SLC26A9: variants seen among roughly 807,000 people sequenced by gnomAD.
SLC26A9 encodes the protein solute carrier family 26 member 9, also known as anion transporter/exchanger protein 9.
A neutral mutation model predicts 87.1 loss-of-function variants in SLC26A9; 46 were observed. The ratio of observed to expected loss-of-function variants is 0.53; its 90% CI spans 0.42 to 0.67. The LOEUF is 0.67. Ranked by LOEUF, SLC26A9 falls within the 30% of genes least tolerant of loss-of-function variation. The probability of loss-of-function intolerance (pLI) is 0.00; values close to 1 mark genes in which losing one functional copy is unlikely to be tolerated. For synonymous variants in SLC26A9, 437 were observed against 409.1 expected, an observed-to-expected ratio of 1.07 and a Z score of -0.82; for missense variants, 927 against 1,018.3, an observed-to-expected ratio of 0.91 and a Z score of 1.22.
At chr1:205,930,486 C>T (rs916157821) in intron 5 of SLC26A9, among the ~76,000 whole-genome samples, 4 of 152,184 alleles carry the variant, frequency 2.6e-5, no homozygotes, top group Non-Finnish European at 4.4e-5. Flanking sequence ...ACCTGGTCTT[C>T]GCCTGCATTA....
intron 2 of SLC26A9, among the ~76,000 whole-genome samples, chr1:205,934,026 A>G (rs1659413324): frequency 6.6e-6 from 1 of 152,036 alleles, no homozygotes; most frequent in Admixed American, 6.6e-5. Context: ...CCATTTGGTG[A>G]CTCACTGGCC....
Position 205,920,267 on chromosome 1 carries a change from G to T in SLC26A9, c.2056-37C>A, listed in dbSNP as rs1262357707. The T allele has an allele frequency of 7.4e-6, 12 of 1,612,994 alleles. No homozygotes were observed. In the South Asian group the frequency reaches 1.2e-4, roughly 16 times the overall value. On this transcript the variant is annotated intron_variant, in intron 17 of 20. Transcript: ENST00000367135. ...GTTGGGGTAGGGAGGCAAAAGGAAAGGAATGTTCTGAGTGGGTCTCAAAAG... is the reference window on the plus strand; with the variant it reads ...GTTGGGGTAGGGAGGCAAAAGGAAATGAATGTTCTGAGTGGGTCTCAAAAG...
rs80313886 is a variant in SLC26A9 at position 205,927,787 on chromosome 1, C to T, written c.1101+115G>A. ...TAGGGTCAGAGGACCCCCTATCCCC[C>T]ACACTCGAGGCAGCCTGCCTCACCT... On this transcript the variant is annotated intron_variant, in intron 9 of 20. Coordinates refer to ENST00000367135, the MANE Select transcript of SLC26A9 (RefSeq NM_052934.4). The T allele has an allele frequency of 1.7e-3, 2,568 of 1,526,244 alleles. 13 individuals carry two copies. The highest frequency in any genetic ancestry group is 0.014 in the Middle Eastern group (62 of 4,414). The allele number at this position is 1,526,244 out of a possible 1,614,324, so 94.5% of individuals were successfully genotyped here.
rs1658535751 is a variant in SLC26A9, at chr1:205,915,252, G to A, written c.*105C>T. The A allele has an allele frequency of 3.8e-6, 6 of 1,599,702 alleles. No individual in the cohort carries two copies. Among genetic ancestry groups the A allele is most frequent in the Non-Finnish European group, 5.1e-6 (6 of 1,171,866 alleles). On this transcript the variant is annotated 3_prime_UTR_variant, in exon 21 of 21. Transcript: ENST00000367135. ...GGAGAGAGGAACCCAAGCTCTGGGG[G>A]ATGCACTTTCCTCCGCCCGACACCC...
At chr1:205,934,719 A>G (rs1375469767) in intron 2 of SLC26A9, among the ~76,000 whole-genome samples, 1 of 152,208 alleles carries the variant, frequency 6.6e-6, no homozygotes, top group African/African-American at 2.4e-5. Flanking sequence ...ACAATAGCAG[A>G]TCTTCTCATC....
At chr1:205,926,768 G>T in intron 11 of SLC26A9, 138 bp from the exon 12 acceptor site, 1 of 718,006 alleles carries the variant, frequency 1.4e-6, no homozygotes. Flanking sequence ...CCAAATCTCT[G>T]CATTCGACCT....
At chr1:205,924,757 G>A in intron 12 of SLC26A9, 1 of 404,328 alleles carries the variant, frequency 2.5e-6, no homozygotes, top group South Asian at 3.0e-5. Flanking sequence ...ATCTATAAGA[G>A]CATGCATCTT....
At chr1:205,924,048 C>T (rs1389458325) in intron 13 of SLC26A9, among the ~76,000 whole-genome samples, 2 of 152,136 alleles carry the variant, frequency 1.3e-5, no homozygotes, top group South Asian at 2.1e-4. Context: ...GGTGGGGTCC[C>T]ATTTGGTTTG....
At position 205,931,888 on chromosome 1, in the gene SLC26A9, G is replaced by A. The variant is rs774089742; in HGVS notation, c.524C>T (p.Thr175Met). 1.9e-5 allele frequency: 31 copies of A among 1,613,764 alleles called. No individual in the cohort carries two copies. The highest frequency in any genetic ancestry group is 6.7e-5 in the East Asian group (3 of 44,884). Reference sequence around the variant, plus strand: ...GATGATGGCGGTGAGGCAGGCTAGCGTAGCTGACACGTGCAGCCTCTCAGC... The same window carrying A: ...GATGATGGCGGTGAGGCAGGCTAGCATAGCTGACACGTGCAGCCTCTCAGC... Reference protein sequence around the residue: ...MEAERLHVSATLACLTAIIQM... With the variant: ...MEAERLHVSAMLACLTAIIQM... The change falls in exon 5 of 21, where the codon ACG becomes ATG. Residue 175 changes from threonine (T) to methionine (M), a missense_variant. By Grantham distance (81) the Thr-to-Met change is moderately conservative (BLOSUM62 -1). Transcript: ENST00000367135.
At position 205,916,615 on chromosome 1, in the gene SLC26A9, G is replaced by T. The variant is rs183525948; in HGVS notation, c.2328+668C>A. ...AACAAGTGACTGCCCTGCCAATCTT[G>T]TGTGGTGGATGGGACAGGTATTACC... On this transcript the variant is annotated intron_variant, in intron 20 of 20. Coordinates refer to ENST00000367135, the MANE Select transcript of SLC26A9 (RefSeq NM_052934.4). Among the ~76,000 whole-genome samples, 103 of 152,338 alleles carry T rather than the reference G, an allele frequency of 6.8e-4. 1 individual carries two copies. The highest frequency in any genetic ancestry group is 3.6e-3 in the Admixed American group (55 of 15,306).
chr1:205,927,087 G>A (rs1489545869), intron 11 of SLC26A9, 124 bp downstream of exon 11: 4 of 954,618 alleles, frequency 4.2e-6, no homozygotes, highest in Non-Finnish European at 6.6e-6. Flanking sequence ...CTACCTCACA[G>A]TTTGTGGTTG....
intron 11 of SLC26A9, 33 bp downstream of exon 11, chr1:205,927,178 T>C (rs373694224): frequency 2.2e-5 from 35 of 1,610,848 alleles, no homozygotes; most frequent in Non-Finnish European, 2.7e-5. Flanking sequence ...TTGGAGTCTT[T>C]CGTTGACTTC....
In SLC26A9 at chr1:205,915,621, G is replaced by A. The variant is rs1254808297; in HGVS notation, c.2329-217C>T. On this transcript the variant is annotated intron_variant, in intron 20 of 20. Coordinates refer to ENST00000367135, the MANE Select transcript of SLC26A9 (RefSeq NM_052934.4). The stretch of plus-strand genomic sequence containing the variant: ...AACCAGTCCAGCGTGGCAGGAGCAG[G>A]TGCTGAAATCTACATGTGAATCACC... Among the ~76,000 whole-genome samples, 4 of 151,998 alleles carry A rather than the reference G, an allele frequency of 2.6e-5. No homozygotes were observed. In the East Asian group the frequency reaches 5.8e-4, roughly 22 times the overall value.
intron 17 of SLC26A9, among the ~76,000 whole-genome samples, chr1:205,921,118 G>A (rs529954908): frequency 6.6e-6 from 1 of 152,362 alleles, no homozygotes; most frequent in East Asian, 1.9e-4. Context: ...ATTCATTCAA[G>A]GTGTCCCGTG....
rs778390308 is a variant in SLC26A9 at position 205,914,860 on chromosome 1, A to G, written c.*497T>C. On this transcript the variant is annotated 3_prime_UTR_variant, in exon 21 of 21. Coordinates refer to ENST00000367135, the MANE Select transcript of SLC26A9 (RefSeq NM_052934.4). Reference sequence around the variant, plus strand: ...AGAGACAGAGTTGAGGCAGCTGGGGAAGGCAAGCCAGAGTCCTAACCAAGT... The same window carrying G: ...AGAGACAGAGTTGAGGCAGCTGGGGGAGGCAAGCCAGAGTCCTAACCAAGT... The G allele has an allele frequency of 1.9e-6, 3 of 1,578,072 alleles. No individual in the cohort carries two copies. The highest frequency in any genetic ancestry group is 1.7e-5 in the Admixed American group (1 of 58,160).
At chr1:205,936,925 G>T (rs1409066370) in intron 1 of SLC26A9, among the ~76,000 whole-genome samples, 2 of 152,184 alleles carry the variant, frequency 1.3e-5, no homozygotes, top group East Asian at 3.8e-4. Context: ...GGGTCCAGGA[G>T]CCTGGGTTAA....
chr1:205,934,402 G>A (rs1236855051), intron 2 of SLC26A9, among the ~76,000 whole-genome samples: 4 of 152,148 alleles, frequency 2.6e-5, no homozygotes, highest in East Asian at 1.9e-4. Context: ...AGAGAAAGCC[G>A]GACTTATGAA....
chr1:205,932,176 A>C, intron 4 of SLC26A9, 141 bp from the exon 5 acceptor site: 1 of 948,008 alleles, frequency 1.1e-6, no homozygotes, highest in South Asian at 1.7e-5. Flanking sequence ...CAATAATAAC[A>C]ACCACTCACT....
intron 1 of SLC26A9, among the ~76,000 whole-genome samples, chr1:205,940,006 T>C (rs1659670845): frequency 6.6e-6 from 1 of 151,964 alleles, no homozygotes; most frequent in Non-Finnish European, 1.5e-5. Context: ...AACAAAAGGG[T>C]GACCCTGCCC....
Sources: gnomAD v4.1 joint callset for allele counts (sites outside exome capture counted in the v4.1 genomes callset) on GRCh38, gnomAD v4.1.1 for gene constraint, MANE v1.5 for transcripts, NCBI Gene and HGNC (gene_info 2026-07-23, HGNC 2026-07-21) for gene names.